DIS3L2: variants seen among roughly 807,000 people sequenced by gnomAD.
The protein encoded by DIS3L2 is DIS3 like 3'-5' exoribonuclease 2, also known as DIS3-like exonuclease 2.
Under a neutral mutation model 97.5 loss-of-function variants are expected in DIS3L2, and 34 were observed. The ratio of observed to expected loss-of-function variants is 0.35; its 90% confidence interval spans 0.27 to 0.46. The LOEUF (loss-of-function observed/expected upper bound fraction) is 0.46. Ranked by LOEUF, DIS3L2 falls within the 20% of genes least tolerant of loss-of-function variation. The pLI is 1.00. For missense variants in DIS3L2, 1,038 were observed against 1,146.0 expected (o/e 0.91, Z 1.36); for synonymous variants, 435 against 445.2 (o/e 0.98, Z 0.29).
chr2:232,210,431 T>C (rs371693946), intron 10 of DIS3L2, 26 bp downstream of exon 10: 214 of 1,601,972 alleles, frequency 1.3e-4, no homozygotes, highest in Non-Finnish European at 1.7e-4. Flanking sequence ...CTATAGCATC[T>C]TGGGTAGCAG....
At chr2:232,333,009 G>C (rs574519592) in intron 16 of DIS3L2, among the ~76,000 whole-genome samples, 65 of 151,984 alleles carry the variant, frequency 4.3e-4, no homozygotes, top group African/African-American at 1.3e-3. Flanking sequence ...CTTGAACAAA[G>C]ACCCACAGGC....
chr2:232,306,250 G>T (rs192995883), intron 14 of DIS3L2, among the ~76,000 whole-genome samples: 9 of 152,286 alleles, frequency 5.9e-5, no homozygotes, highest in Admixed American at 5.9e-4. Flanking sequence ...TGTGAGAAAG[G>T]TCTTCCTGAT....
chr2:232,287,559 T>G (rs1360769556), intron 13 of DIS3L2, among the ~76,000 whole-genome samples: 1 of 151,796 alleles, frequency 6.6e-6, no homozygotes, highest in Non-Finnish European at 1.5e-5. Context: ...CCTGTGCTGA[T>G]TTTTAAATGT....
chr2:232,184,410 G>T (rs1459355376), intron 9 of DIS3L2, among the ~76,000 whole-genome samples: 1 of 152,178 alleles, frequency 6.6e-6, no homozygotes, highest in Non-Finnish European at 1.5e-5. Flanking sequence ...ACTTTGGGAG[G>T]TCCAGTACTT....
chr2:232,128,716 A>G (rs926019950), intron 6 of DIS3L2, among the ~76,000 whole-genome samples: 1 of 152,056 alleles, frequency 6.6e-6, no homozygotes, highest in Non-Finnish European at 1.5e-5. Context: ...TGGCCTCCCA[A>G]AGCACTGGGA....
In DIS3L2 at chr2:232,205,439, A is replaced by T. The variant is rs946961915; in HGVS notation, c.1125-4887A>T. On this transcript the variant is annotated intron_variant, in intron 9 of 20. Transcript: ENST00000325385. Reference sequence around the variant, plus strand: ...AGGAGTAGTCTCCTGAGTAGCTGGGACTACATGCTCATGCCACCACAATGG... The same window carrying T: ...AGGAGTAGTCTCCTGAGTAGCTGGGTCTACATGCTCATGCCACCACAATGG... Among the ~76,000 whole-genome samples, 8 of 151,926 alleles carry T rather than the reference A, an allele frequency of 5.3e-5. No individual in the cohort carries two copies. The South Asian group carries it at 1.7e-3, about 32-fold the overall frequency.
chr2:232,086,971 G>A lies in DIS3L2; in HGVS notation c.367-516G>A, dbSNP rs539674373. Among the ~76,000 whole-genome samples the A allele has an allele frequency of 1.9e-4, 29 of 151,952 alleles. 1 individual carries two copies. The highest frequency in any genetic ancestry group is 3.2e-4 in the Non-Finnish European group (22 of 67,976). ...GCTGGGATTACAGGCTTGAGCCACC[G>A]CGCCTGGCCAATAAAGCTTTATATT... On this transcript the variant is annotated intron_variant, in intron 5 of 20. Transcript: ENST00000325385.
At chr2:232,209,468 G>A (rs528185946) in intron 9 of DIS3L2, among the ~76,000 whole-genome samples, 28 of 152,304 alleles carry the variant, frequency 1.8e-4, no homozygotes, top group Non-Finnish European at 2.9e-4. Context: ...CAGAGAAATG[G>A]TGGCAGTGCA....
In DIS3L2 at chr2:232,021,816, C is replaced by T. The variant is rs895688202; in HGVS notation, c.211-2461C>T. On this transcript the variant is annotated intron_variant, in intron 3 of 20. Coordinates refer to ENST00000325385, the MANE Select transcript of DIS3L2 (RefSeq NM_152383.5). ...CAAAGAGACCTTCCTCCCTTGGTCC[C>T]TGAGATACATGGGTTATGAGAGATA... Among the ~76,000 whole-genome samples, 10 of 152,170 alleles carry T rather than the reference C, an allele frequency of 6.6e-5. No individual in the cohort carries two copies. The East Asian group carries it at 1.9e-3, about 30-fold the overall frequency.
intron 8 of DIS3L2, among the ~76,000 whole-genome samples, chr2:232,142,183 C>T (rs1029076161): frequency 6.6e-6 from 1 of 152,038 alleles, no homozygotes; most frequent in Admixed American, 6.6e-5. Context: ...ATGGACCTGG[C>T]CGGCTAGGAG....
chr2:232,329,785 T>TCCCGGGGGGGGCGC, intron 14 of DIS3L2, 28 bp from the exon 15 acceptor site: 1 of 967,144 alleles, frequency 1.0e-6, no homozygotes, highest in Non-Finnish European at 1.5e-6. Context: ...ACCCCAGCGG[T>TCCCGGGGGGGGCGC]CCCTCCCATC....
chr2:232,215,533 G>A (rs1012114428), intron 10 of DIS3L2, among the ~76,000 whole-genome samples: 21 of 152,176 alleles, frequency 1.4e-4, no homozygotes, highest in Non-Finnish European at 2.1e-4. Flanking sequence ...TGGGGAGGAT[G>A]GAGCAGACAG....
At chr2:232,181,218 G>A (rs1316947002) in intron 9 of DIS3L2, among the ~76,000 whole-genome samples, 1 of 150,646 alleles carries the variant, frequency 6.6e-6, no homozygotes, top group East Asian at 2.0e-4. Flanking sequence ...TGGGTAACCT[G>A]ACCTTTCTCT....
At chr2:232,214,454 C>A (rs1197619750) in intron 10 of DIS3L2, among the ~76,000 whole-genome samples, 1 of 152,146 alleles carries the variant, frequency 6.6e-6, no homozygotes, top group East Asian at 1.9e-4. Flanking sequence ...TAGAACAAAT[C>A]TAGTGTCTCA....
intron 14 of DIS3L2, among the ~76,000 whole-genome samples, chr2:232,318,394 A>G (rs1441081316): frequency 6.6e-6 from 1 of 152,244 alleles, no homozygotes; most frequent in Non-Finnish European, 1.5e-5. Context: ...TGTAAACATC[A>G]TTCGTTTGCT....
At chr2:232,220,064 G>C (rs184067028) in intron 10 of DIS3L2, among the ~76,000 whole-genome samples, 1 of 151,842 alleles carries the variant, frequency 6.6e-6, no homozygotes, top group East Asian at 1.9e-4. Context: ...TTAACGCCAA[G>C]AGTTCAAAAC....
chr2:232,330,088 C>A, intron 15 of DIS3L2, 92 bp downstream of exon 15: 1 of 1,424,002 alleles, frequency 7.0e-7, no homozygotes, highest in Non-Finnish European at 9.4e-7. Context: ...CTCTGCTTCC[C>A]CCCAGAGTCC....
intron 10 of DIS3L2, among the ~76,000 whole-genome samples, chr2:232,232,027 G>A (rs149410943): frequency 2.4e-4 from 36 of 152,284 alleles, no homozygotes; most frequent in Middle Eastern, 3.4e-3. Flanking sequence ...AGAGAACCGC[G>A]GGGAGACCCC....
intron 9 of DIS3L2, among the ~76,000 whole-genome samples, chr2:232,174,273 G>C (rs899645902): frequency 1.3e-5 from 2 of 151,342 alleles, no homozygotes; most frequent in Non-Finnish European, 2.9e-5. Flanking sequence ...TATATATCTG[G>C]TATCCTGCAA....
Sources: gnomAD v4.1 joint callset for allele counts (sites outside exome capture counted in the v4.1 genomes callset) on GRCh38, gnomAD v4.1.1 for gene constraint, MANE v1.5 for transcripts, NCBI Gene and HGNC (gene_info 2026-07-23, HGNC 2026-07-21) for gene names.